Variants in PRRG4 observed in about 807,000 individuals in gnomAD.
The protein encoded by PRRG4 is transmembrane gamma-carboxyglutamic acid protein 4.
A neutral mutation model predicts 20.0 loss-of-function variants in PRRG4; 12 were observed. The observed-to-expected ratio is 0.60, with a 90% confidence interval of 0.38 to 0.97. The LOEUF is 0.97. PRRG4 is among the 50% of genes least tolerant of loss of function. The pLI is 0.00. For missense variants in PRRG4, 199 were observed against 265.1 expected (o/e 0.75, Z 1.73); for synonymous variants, 94 against 96.4 (o/e 0.98, Z 0.15).
Position 32,840,014 on chromosome 11 carries a change from A to G in PRRG4, c.317-93A>G. 3 of 913,346 alleles carry G rather than the reference A, an allele frequency of 3.3e-6. No individual in the cohort carries two copies. Among genetic ancestry groups the G allele is most frequent in the Non-Finnish European group, 1.7e-6 (1 of 587,660 alleles). 56.6% of individuals were successfully genotyped at this position (913,346 alleles called of 1,614,324 possible). A position where few individuals can be genotyped will look rare whatever the true frequency, so the allele number is the denominator to read the frequency against. ...GTCAACATCAATGATTAGATGCTGT[A>G]TAATGTGTTTAGAACCAGGATTAAA... On this transcript the variant is annotated intron_variant, in intron 4 of 5. Transcript: ENST00000257836. The surrounding 1 kb of genome is among the most constrained non-coding windows in gnomAD (Gnocchi z 4.1).
At position 32,856,632 on chromosome 11, in the gene PRRG4, A is replaced by G. The variant is rs964563830; in HGVS notation, c.*3105A>G. On this transcript the variant is annotated 3_prime_UTR_variant, in exon 6 of 6. Coordinates refer to ENST00000257836, the MANE Select transcript of PRRG4 (RefSeq NM_024081.6). ...TAAATCTATTTTGACACAAGGTTTT[A>G]TATATAATTAGATCAGTTTTCCACT... 2 of 152,146 alleles carry G rather than the reference A, an allele frequency of 1.3e-5. No homozygotes were observed. The highest frequency in any genetic ancestry group is 4.8e-5 in the African/African-American group (2 of 41,440). The allele number at this position is 152,146 out of a possible 1,614,324, so 9.4% of individuals were successfully genotyped here.
Position 32,854,589 on chromosome 11 carries a change from A to G in PRRG4, c.*1062A>G, listed in dbSNP as rs976481374. The stretch of plus-strand genomic sequence containing the variant: ...AAAAAAAAAAAAAAAGATTATCCAA[A>G]AAGATATTGGACCTACTCTTTCTTA... On this transcript the variant is annotated 3_prime_UTR_variant, in exon 6 of 6. Transcript: ENST00000257836. 1.3e-5 allele frequency: 2 copies of G among 152,140 alleles called. No individual in the cohort carries two copies. The highest frequency in any genetic ancestry group is 2.9e-5 in the Non-Finnish European group (2 of 68,072). The allele number at this position is 152,140 out of a possible 1,614,324, so 9.4% of individuals were successfully genotyped here.
chr11:32,832,805 G>A (rs181279084), intron 2 of PRRG4, among the ~76,000 whole-genome samples: 273 of 152,238 alleles, frequency 1.8e-3, no homozygotes, highest in Middle Eastern at 0.014. Context: ...AAAGCATGAC[G>A]GTAGAGTTGA....
rs1224888762 is a variant in PRRG4, at chr11:32,836,676, A to C, written c.122A>C (p.Glu41Ala). ...AGEEVFTSKE[E>A]ANFFIHRRLL... Reference sequence around the variant, plus strand: ...TTATTAGTGTTTACATCAAAAGAAGAAGCAAACTTTTTCATACATAGACGC... The same window carrying C: ...TTATTAGTGTTTACATCAAAAGAAGCAGCAAACTTTTTCATACATAGACGC... The change falls in exon 3 of 6, where the codon GAA becomes GCA. Residue 41 changes from glutamate (E) to alanine (A), a missense_variant. Glu to Ala is a moderately radical substitution (Grantham distance 107). Transcript: ENST00000257836. 6.9e-6 allele frequency: 11 copies of C among 1,588,610 alleles called. No homozygotes were observed. In the Admixed American group the frequency reaches 1.4e-4, roughly 20 times the overall value.
chr11:32,836,413 A>G (rs1455910768), intron 2 of PRRG4, among the ~76,000 whole-genome samples: 1 of 152,166 alleles, frequency 6.6e-6, no homozygotes, highest in Non-Finnish European at 1.5e-5. Flanking sequence ...ATTTTTACTT[A>G]TACTATTAAT....
intron 2 of PRRG4, among the ~76,000 whole-genome samples, chr11:32,833,484 G>A (rs1850992696): frequency 6.6e-6 from 1 of 152,112 alleles, no homozygotes; most frequent in Non-Finnish European, 1.5e-5. Flanking sequence ...AAAATGTAAG[G>A]ATCTGGACAT....
At chr11:32,843,444 G>A (rs1467581216) in intron 5 of PRRG4, among the ~76,000 whole-genome samples, 3 of 151,234 alleles carry the variant, frequency 2.0e-5, no homozygotes, top group Admixed American at 6.6e-5. Context: ...TATTCAGTTG[G>A]TGCAAAAGCA....
At chr11:32,835,621 C>T (rs546103974) in intron 2 of PRRG4, among the ~76,000 whole-genome samples, 2 of 152,176 alleles carry the variant, frequency 1.3e-5, no homozygotes, top group Admixed American at 6.5e-5. Context: ...GTAAAGGGAA[C>T]CTTATAAAAC....
intron 4 of PRRG4, among the ~76,000 whole-genome samples, chr11:32,839,177 G>A (rs568994707): frequency 6.6e-6 from 1 of 152,318 alleles, no homozygotes; most frequent in East Asian, 1.9e-4. Flanking sequence ...GTTTTAAACA[G>A]CTCAGCTAAG....
At chr11:32,837,102 A>G (rs1328752839) in intron 3 of PRRG4, among the ~76,000 whole-genome samples, 1 of 152,182 alleles carries the variant, frequency 6.6e-6, no homozygotes, top group East Asian at 1.9e-4. Flanking sequence ...TTTAACTCCA[A>G]GATTTTGTGG....
At position 32,830,063 on chromosome 11, in the gene PRRG4, G is replaced by A; in HGVS notation, c.-133G>A. On this transcript the variant is annotated 5_prime_UTR_variant, in exon 1 of 6. Coordinates refer to ENST00000257836, the MANE Select transcript of PRRG4 (RefSeq NM_024081.6). ...GACCCTGCGGAGAGCGAGGCCCGGAGCGTCGCCGAGGTTTGAGGGCGCCGG... is the reference window on the plus strand; with the variant it reads ...GACCCTGCGGAGAGCGAGGCCCGGAACGTCGCCGAGGTTTGAGGGCGCCGG... The A allele has an allele frequency of 8.1e-6, 8 of 988,058 alleles. No individual in the cohort carries two copies. Among genetic ancestry groups the A allele is most frequent in the Non-Finnish European group, 9.6e-6 (8 of 831,820 alleles). The allele number at this position is 988,058 out of a possible 1,614,324, so 61.2% of individuals were successfully genotyped here.
rs114999898 is a variant in PRRG4, at chr11:32,847,562, G to A, written c.450-5734G>A. 3.9e-3 allele frequency among the ~76,000 whole-genome samples: 596 copies of A among 152,250 alleles called. 3 individuals carry two copies. Among genetic ancestry groups the A allele is most frequent in the African/African-American group, 0.014 (568 of 41,552 alleles). ...CACATTGCCAGTAGGAATGTAAAACGGTACAGCCACTGTGGAAAAGTTTGA... is the reference window on the plus strand; with the variant it reads ...CACATTGCCAGTAGGAATGTAAAACAGTACAGCCACTGTGGAAAAGTTTGA... On this transcript the variant is annotated intron_variant, in intron 5 of 5. Transcript: ENST00000257836.
intron 2 of PRRG4, among the ~76,000 whole-genome samples, chr11:32,831,741 G>A (rs771217145): frequency 6.6e-6 from 1 of 152,058 alleles, no homozygotes; most frequent in African/African-American, 2.4e-5. Context: ...AGACACTCTC[G>A]CCGGCACGGT....
At chr11:32,830,753 A>G in intron 2 of PRRG4, 121 bp downstream of exon 2, 1 of 1,458,650 alleles carries the variant, frequency 6.9e-7, no homozygotes, top group South Asian at 1.3e-5. Flanking sequence ...CCTTTAGTTT[A>G]ATTTGTGGCA....
At chr11:32,845,894 T>C (rs953769988) in intron 5 of PRRG4, among the ~76,000 whole-genome samples, 3 of 152,068 alleles carry the variant, frequency 2.0e-5, no homozygotes, top group Non-Finnish European at 2.9e-5. Context: ...CGGTGGCTCA[T>C]GCCTGTAGTC....
At chr11:32,832,976 A>G (rs1317196273) in intron 2 of PRRG4, among the ~76,000 whole-genome samples, 2 of 152,246 alleles carry the variant, frequency 1.3e-5, no homozygotes, top group African/African-American at 4.8e-5. Context: ...CTAAGGAAGC[A>G]GAGCCAAGGC....
chr11:32,853,524 C>G lies in PRRG4; in HGVS notation c.678C>G (p.His226Gln). 1 of 1,607,542 alleles carries G rather than the reference C, an allele frequency of 6.2e-7. No homozygotes were observed. The highest frequency in any genetic ancestry group is 1.7e-5 in the Admixed American group (1 of 60,008). The change falls in exon 6 of 6, where the codon CAC (histidine) becomes CAG (glutamine). Residue 226 changes from histidine to glutamine, a missense_variant. Transcript: ENST00000257836. ...AAAAATCTATGTCTCTCCCATCTCA[C>G]TGACTACCTTGTCATTTTGGTATAA... ...VFKKSMSLPS[H>Q]
chr11:32,857,082 T>G lies in PRRG4; in HGVS notation c.*3555T>G, dbSNP rs1257888287. 6.6e-6 allele frequency: 1 copy of G among 152,286 alleles called. No individual in the cohort carries two copies. The highest frequency in any genetic ancestry group is 2.4e-5 in the African/African-American group (1 of 41,390). 9.4% of individuals were successfully genotyped at this position (152,286 alleles called of 1,614,324 possible). A position where few individuals can be genotyped will look rare whatever the true frequency, so the allele number is the denominator to read the frequency against. On this transcript the variant is annotated 3_prime_UTR_variant, in exon 6 of 6. Transcript: ENST00000257836. ...CCTGAGCTCAAGGAATCCACCCACC[T>G]CGGCCTCCCAAAGTGCTGGGATTAC...
In PRRG4 at chr11:32,830,017, T is replaced by C; in HGVS notation, c.-179T>C. The C allele has an allele frequency of 1.0e-6, 1 of 985,770 alleles. No individual in the cohort carries two copies. The highest frequency in any genetic ancestry group is 4.7e-5 in the South Asian group (1 of 21,298). The allele number at this position is 985,770 out of a possible 1,614,324, so 61.1% of individuals were successfully genotyped here. On this transcript the variant is annotated 5_prime_UTR_variant, in exon 1 of 6. Coordinates refer to ENST00000257836, the MANE Select transcript of PRRG4 (RefSeq NM_024081.6). The stretch of plus-strand genomic sequence containing the variant: ...CTGCGAACCCCAGGCCCTTCCCAGG[T>C]TTGCGCGCGGGGGCCATCCAGACCC...
Sources: gnomAD v4.1 joint callset for allele counts (sites outside exome capture counted in the v4.1 genomes callset) on GRCh38, gnomAD v4.1.1 for gene constraint, Gnocchi (gnomAD v3.1) non-coding constraint, MANE v1.5 for transcripts, NCBI Gene and HGNC (gene_info 2026-07-23, HGNC 2026-07-21) for gene names.